Variants in EXOC2 observed in about 807,000 individuals in gnomAD.
EXOC2 encodes the protein exocyst complex component 2.
Under a neutral mutation model 131.8 loss-of-function variants are expected in EXOC2, and 70 were observed. That is an observed-to-expected ratio of 0.53 (90% CI 0.44 to 0.65). The LOEUF is 0.65. Among genes scored for constraint, EXOC2 ranks in the 30% least tolerant of loss-of-function variants. The pLI is 0.00. For synonymous variants in EXOC2, 411 were observed against 398.4 expected (o/e 1.03, Z -0.38); for missense variants, 923 against 1,108.6 (o/e 0.83, Z 2.38).
intron 10 of EXOC2, among the ~76,000 whole-genome samples, chr6:597,086 A>C (rs957024364): frequency 1.3e-5 from 2 of 152,214 alleles, no homozygotes; most frequent in African/African-American, 2.4e-5. Context: ...TCGGTTGCCC[A>C]AAGTTAACAG....
At chr6:618,242 A>C (rs548352736) in intron 5 of EXOC2, among the ~76,000 whole-genome samples, 8 of 152,344 alleles carry the variant, frequency 5.3e-5, no homozygotes, top group Admixed American at 5.2e-4. Context: ...TGCTTTGTAC[A>C]TTCACTGAAG....
At chr6:653,133 C>T (rs1020603641) in intron 1 of EXOC2, among the ~76,000 whole-genome samples, 1 of 152,164 alleles carries the variant, frequency 6.6e-6, no homozygotes, top group African/African-American at 2.4e-5. Flanking sequence ...ATTCTCTCTC[C>T]CTCTCCTCAA....
At chr6:624,856 G>A (rs1408068137) in intron 4 of EXOC2, among the ~76,000 whole-genome samples, 1 of 152,188 alleles carries the variant, frequency 6.6e-6, no homozygotes, top group African/African-American at 2.4e-5. Context: ...CTGGATTTCG[G>A]ATTCTACATT....
intron 13 of EXOC2, among the ~76,000 whole-genome samples, chr6:569,872 A>G (rs558293155): frequency 6.6e-6 from 1 of 152,344 alleles, no homozygotes; most frequent in Non-Finnish European, 1.5e-5. Flanking sequence ...GAAGTAGATG[A>G]TTTATTTTTC....
At position 692,069 on chromosome 6, in the gene EXOC2, A is replaced by T. The variant is rs191179382; in HGVS notation, c.-44+950T>A. 8.5e-5 allele frequency among the ~76,000 whole-genome samples: 13 copies of T among 152,384 alleles called. No individual in the cohort carries two copies. In the East Asian group the frequency reaches 2.5e-3, roughly 29 times the overall value. Reference sequence around the variant, plus strand: ...CATAAACAAAACATTATTATGCATTAGAAGACAGATCCACATAAGCTCAGA... The same window carrying T: ...CATAAACAAAACATTATTATGCATTTGAAGACAGATCCACATAAGCTCAGA... On this transcript the variant is annotated intron_variant, in intron 1 of 27. Coordinates refer to ENST00000230449, the MANE Select transcript of EXOC2 (RefSeq NM_018303.6).
At chr6:499,470 CACAGAG>C (rs1443109556) in intron 24 of EXOC2, among the ~76,000 whole-genome samples, 169 bp downstream of exon 24, 1 of 145,126 alleles carries the variant, frequency 6.9e-6, no homozygotes, top group South Asian at 2.2e-4. Flanking sequence ...CACACACACA[CACAGAG>C]ACAGAGAGAG....
At chr6:595,991 G>A (rs921576322) in intron 10 of EXOC2, among the ~76,000 whole-genome samples, 2 of 152,136 alleles carry the variant, frequency 1.3e-5, no homozygotes, top group Admixed American at 1.3e-4. Context: ...GGGCTCTGAA[G>A]CCAAACAGGC....
intron 11 of EXOC2, among the ~76,000 whole-genome samples, chr6:582,829 T>C (rs1225131977): frequency 6.6e-6 from 1 of 152,026 alleles, no homozygotes; most frequent in Non-Finnish European, 1.5e-5. Context: ...TAATCCAAAT[T>C]AAACAAAGGG....
rs115139736 is a variant in EXOC2, at chr6:677,973, G to A, written c.-44+15046C>T. Among the ~76,000 whole-genome samples, 959 of 143,684 alleles carry A rather than the reference G, an allele frequency of 6.7e-3. 13 individuals carry two copies. Among genetic ancestry groups the A allele is most frequent in the African/African-American group, 0.024 (911 of 38,566 alleles). 94.3% of individuals were successfully genotyped at this position (143,684 alleles called of 152,430 possible). A position where few individuals can be genotyped will look rare whatever the true frequency, so the allele number is the denominator to read the frequency against. On this transcript the variant is annotated intron_variant, in intron 1 of 27. Transcript: ENST00000230449. ...ACACACACACACACACACTCTTCAC[G>A]TTGTCACTCACATATGAAAAGGGTC...
intron 13 of EXOC2, among the ~76,000 whole-genome samples, chr6:565,736 ACAAGT>A (rs1184832942): frequency 6.6e-6 from 1 of 152,254 alleles, no homozygotes; most frequent in African/African-American, 2.4e-5. Context: ...TTAACGCATG[ACAAGT>A]CAAGAGACCT....
intron 13 of EXOC2, among the ~76,000 whole-genome samples, chr6:566,778 C>T (rs1757989995): frequency 6.6e-6 from 1 of 152,146 alleles, no homozygotes; most frequent in South Asian, 2.1e-4. Context: ...AGTCTATCTC[C>T]AGCCCAAATA....
chr6:562,561 A>C (rs2127582805), intron 17 of EXOC2, among the ~76,000 whole-genome samples: 1 of 152,382 alleles, frequency 6.6e-6, no homozygotes, highest in Middle Eastern at 3.4e-3. Context: ...TAAGTTATAC[A>C]GGATGAAAAA....
chr6:620,380 C>T (rs953962966), intron 4 of EXOC2, among the ~76,000 whole-genome samples: 3 of 152,124 alleles, frequency 2.0e-5, no homozygotes, highest in Admixed American at 1.3e-4. Context: ...CCTGACGCTT[C>T]GGCAGCCTCA....
At chr6:666,038 T>C (rs1366884401) in intron 1 of EXOC2, among the ~76,000 whole-genome samples, 1 of 152,248 alleles carries the variant, frequency 6.6e-6, no homozygotes, top group Non-Finnish European at 1.5e-5. Context: ...ATTCATTTGA[T>C]TCCATGTCAT....
intron 23 of EXOC2, among the ~76,000 whole-genome samples, chr6:510,067 C>T (rs566820509): frequency 6.6e-6 from 1 of 151,886 alleles, no homozygotes; most frequent in South Asian, 2.1e-4. Context: ...TATTCAATTA[C>T]ACTCTGAACA....
In EXOC2 at chr6:622,484, G is replaced by A. The variant is rs115009171; in HGVS notation, c.423-2941C>T. ...GTTTCTCTGCCCATAATCGAACAGG[G>A]AATGAACGGCAGTTGCTAGCGTTAA... is the stretch of plus-strand genomic sequence containing the variant. On this transcript the variant is annotated intron_variant, in intron 4 of 27. Coordinates refer to ENST00000230449, the MANE Select transcript of EXOC2 (RefSeq NM_018303.6). Among the ~76,000 whole-genome samples, 793 of 152,318 alleles carry A rather than the reference G, an allele frequency of 5.2e-3. 4 individuals carry two copies. Among genetic ancestry groups the A allele is most frequent in the Middle Eastern group, 0.017 (5 of 294 alleles).
intron 7 of EXOC2, among the ~76,000 whole-genome samples, chr6:600,887 G>A (rs975479098): frequency 1.3e-5 from 2 of 152,054 alleles, no homozygotes; most frequent in Non-Finnish European, 2.9e-5. Context: ...TTTTAATTTA[G>A]AGATAACTTC....
intron 24 of EXOC2, among the ~76,000 whole-genome samples, chr6:498,124 C>G (rs1763846280): frequency 6.6e-6 from 1 of 152,160 alleles, no homozygotes; most frequent in African/African-American, 2.4e-5. Flanking sequence ...TCTTTTTAAG[C>G]TTTTCCTTTT....
chr6:596,404 G>A (rs1377039634), intron 10 of EXOC2, among the ~76,000 whole-genome samples: 1 of 151,814 alleles, frequency 6.6e-6, no homozygotes, highest in Non-Finnish European at 1.5e-5. Flanking sequence ...GGATCTTGCT[G>A]TCACCCAGGC....
Sources: gnomAD v4.1 joint callset for allele counts (sites outside exome capture counted in the v4.1 genomes callset) on GRCh38, gnomAD v4.1.1 for gene constraint, MANE v1.5 for transcripts, NCBI Gene and HGNC (gene_info 2026-07-23, HGNC 2026-07-21) for gene names.